The following AGPS variants were observed in gnomAD, a reference collection of about 807,000 sequenced individuals.
AGPS encodes the protein alkylglycerone phosphate synthase.
Under a neutral mutation model 90.7 loss-of-function variants are expected in AGPS, and 26 were observed. The ratio of observed to expected loss-of-function variants is 0.29; its 90% CI spans 0.21 to 0.40. AGPS has a LOEUF of 0.40. Ranked by LOEUF, AGPS falls within the 10% of genes least tolerant of loss-of-function variation. The pLI is 1.00. For synonymous variants in AGPS, 294 were observed against 285.3 expected (o/e 1.03, Z -0.31); for missense variants, 540 against 816.1 (o/e 0.66, Z 4.12).
At chr2:177,399,730 G>A (rs945290622) in intron 1 of AGPS, among the ~76,000 whole-genome samples, 2 of 152,144 alleles carry the variant, frequency 1.3e-5, no homozygotes, top group Non-Finnish European at 2.9e-5. Context: ...AGCATTACCA[G>A]TACTCTAGGA....
chr2:177,515,770 A>G (rs2105728349), intron 17 of AGPS, among the ~76,000 whole-genome samples: 1 of 152,332 alleles, frequency 6.6e-6, no homozygotes, highest in East Asian at 1.9e-4. Flanking sequence ...GTTTTCCTAT[A>G]AAAGCTTATG....
intron 8 of AGPS, among the ~76,000 whole-genome samples, chr2:177,458,444 T>G (rs1360049089): frequency 6.6e-6 from 1 of 152,170 alleles, no homozygotes; most frequent in Admixed American, 6.5e-5. Flanking sequence ...GAAAACCCCA[T>G]CGTCTCAGCC....
At chr2:177,442,961 A>G (rs563129495) in intron 7 of AGPS, among the ~76,000 whole-genome samples, 183 of 151,748 alleles carry the variant, frequency 1.2e-3, no homozygotes, top group Middle Eastern at 0.01. Context: ...GTTGATGGCT[A>G]TTTTACCAAA....
chr2:177,483,648 T>G lies in AGPS; in HGVS notation c.1233+1462T>G, dbSNP rs369519143. On this transcript the variant is annotated intron_variant, in intron 11 of 19. Transcript: ENST00000264167. ...GAAATCCTTACATTAGAGGCCCTAATTCACTAGAACTTTGGGAATACGATA... is the reference window on the plus strand; with the variant it reads ...GAAATCCTTACATTAGAGGCCCTAAGTCACTAGAACTTTGGGAATACGATA... 5.3e-5 allele frequency among the ~76,000 whole-genome samples: 8 copies of G among 152,288 alleles called. No homozygotes were observed. In the East Asian group the frequency reaches 1.5e-3, roughly 29 times the overall value.
chr2:177,426,644 A>G (rs1167590098), intron 2 of AGPS, among the ~76,000 whole-genome samples: 1 of 152,208 alleles, frequency 6.6e-6, no homozygotes, highest in East Asian at 1.9e-4. Context: ...GTCCATTGAG[A>G]TAATCATGTG....
intron 11 of AGPS, among the ~76,000 whole-genome samples, chr2:177,485,294 G>A (rs1688062512): frequency 6.6e-6 from 1 of 152,060 alleles, no homozygotes; most frequent in Non-Finnish European, 1.5e-5. Flanking sequence ...TTTCCACACT[G>A]CAAATACTTA....
At chr2:177,454,201 C>T (rs1687044266) in intron 8 of AGPS, among the ~76,000 whole-genome samples, 2 of 151,786 alleles carry the variant, frequency 1.3e-5, no homozygotes, top group African/African-American at 2.4e-5. Context: ...CCTTTAGGGA[C>T]TCTATTTACT....
chr2:177,440,145 G>T (rs1686557328), intron 5 of AGPS, among the ~76,000 whole-genome samples: 1 of 151,932 alleles, frequency 6.6e-6, no homozygotes, highest in East Asian at 1.9e-4. Flanking sequence ...GTGTCACTAG[G>T]TTTTCCCACT....
intron 10 of AGPS, among the ~76,000 whole-genome samples, chr2:177,481,388 T>C (rs1358658713): frequency 6.6e-6 from 1 of 151,926 alleles, no homozygotes; most frequent in African/African-American, 2.4e-5. Flanking sequence ...TTGTTTTGTT[T>C]TGTTTTTTTG....
chr2:177,398,666 C>T (rs1361493204), intron 1 of AGPS, among the ~76,000 whole-genome samples: 2 of 152,158 alleles, frequency 1.3e-5, no homozygotes, highest in Non-Finnish European at 2.9e-5. Context: ...TGATCAAATA[C>T]TTTGTCATAT....
intron 1 of AGPS, among the ~76,000 whole-genome samples, chr2:177,405,711 C>T (rs955618416): frequency 6.7e-6 from 1 of 149,282 alleles, no homozygotes; most frequent in Admixed American, 6.7e-5. Flanking sequence ...TCTTTCTGAC[C>T]ATGGTTTTGC....
At chr2:177,421,367 A>G (rs1440165467) in intron 2 of AGPS, among the ~76,000 whole-genome samples, 1 of 152,104 alleles carries the variant, frequency 6.6e-6, no homozygotes, top group Non-Finnish European at 1.5e-5. Flanking sequence ...ATATCAGTAT[A>G]TTAAAATATC....
chr2:177,436,182 C>G (rs1352788709), intron 3 of AGPS, among the ~76,000 whole-genome samples: 1 of 129,546 alleles, frequency 7.7e-6, no homozygotes, highest in African/African-American at 3.0e-5. Context: ...GCTCTGTCTC[C>G]CAGAGCTCTG....
At chr2:177,525,197 G>A (rs778002268) in intron 19 of AGPS, among the ~76,000 whole-genome samples, 4 of 152,116 alleles carry the variant, frequency 2.6e-5, no homozygotes, top group Non-Finnish European at 4.4e-5. Context: ...CCTAATTTTG[G>A]AAATTTGAAT....
chr2:177,485,352 G>A (rs1286713092), intron 11 of AGPS, among the ~76,000 whole-genome samples: 1 of 152,120 alleles, frequency 6.6e-6, no homozygotes, highest in Non-Finnish European at 1.5e-5. Flanking sequence ...ATGTACAAAT[G>A]TATCAAAATA....
intron 2 of AGPS, among the ~76,000 whole-genome samples, chr2:177,432,016 T>C (rs955152463): frequency 4.6e-5 from 7 of 152,240 alleles, no homozygotes; most frequent in Non-Finnish European, 1.0e-4. Context: ...CTCCAGCCGG[T>C]CCCTCTGTTC....
chr2:177,413,819 C>T (rs1251778314), intron 1 of AGPS, among the ~76,000 whole-genome samples: 1 of 152,142 alleles, frequency 6.6e-6, no homozygotes, highest in East Asian at 1.9e-4. Context: ...CTGCCCTTAC[C>T]ACAAAATATT....
intron 11 of AGPS, 29 bp from the exon 12 acceptor site, chr2:177,493,118 GT>G (rs1559070968): frequency 3.2e-6 from 5 of 1,583,462 alleles, no homozygotes; most frequent in Non-Finnish European, 3.5e-6. Flanking sequence ...TATTAAATTT[GT>G]ATCACTTTTT....
chr2:177,448,218 G>T (rs1686833606), intron 8 of AGPS, among the ~76,000 whole-genome samples: 1 of 152,054 alleles, frequency 6.6e-6, no homozygotes, highest in Non-Finnish European at 1.5e-5. Context: ...TCACCTTTAA[G>T]CCTCAGTTTC....
Sources: gnomAD v4.1 joint callset for allele counts (sites outside exome capture counted in the v4.1 genomes callset) on GRCh38, gnomAD v4.1.1 for gene constraint, MANE v1.5 for transcripts, NCBI Gene and HGNC (gene_info 2026-07-23, HGNC 2026-07-21) for gene names.